PLEKHH2: variants seen among roughly 807,000 people sequenced by gnomAD.
PLEKHH2 encodes the protein pleckstrin homology domain-containing family H member 2.
PLEKHH2 carries 129 observed loss-of-function variants against 187.9 expected under a neutral mutation model. The ratio of observed to expected loss-of-function variants is 0.69; its 90% confidence interval spans 0.59 to 0.79. The LOEUF is 0.79. PLEKHH2 is among the 30% of genes least tolerant of loss of function. The pLI is 0.00. For synonymous variants in PLEKHH2, 686 were observed against 605.6 expected (o/e 1.13, Z -1.95); for missense variants, 2,076 against 1,751.2 (o/e 1.19, Z -3.31).
chr2:43,639,411 GTA>G (rs1255804762), intron 1 of PLEKHH2, among the ~76,000 whole-genome samples: 1 of 152,082 alleles, frequency 6.6e-6, no homozygotes, highest in Non-Finnish European at 1.5e-5. Flanking sequence ...CCTATCCATT[GTA>G]GTCAGTATCT....
rs189087346 is a variant in PLEKHH2, at chr2:43,687,141, C to T, written c.187-5373C>T. The stretch of plus-strand genomic sequence containing the variant: ...CCAATAGTTTTTCAGCCCATGTCTC[C>T]GTCTCTTGCTCCCTGTCTCATAGTC... On this transcript the variant is annotated intron_variant, in intron 3 of 29. Coordinates refer to ENST00000282406, the MANE Select transcript of PLEKHH2 (RefSeq NM_172069.4). Among the ~76,000 whole-genome samples, 332 of 152,258 alleles carry T rather than the reference C, an allele frequency of 2.2e-3. 2 individuals carry two copies. The highest frequency in any genetic ancestry group is 7.3e-3 in the African/African-American group (302 of 41,540).
chr2:43,697,273 G>C lies in PLEKHH2; in HGVS notation c.605G>C (p.Ser202Thr). ...TFGCFLSRAR[S>T]PPQVVKSEEM... ...GGGTGCTTTTTATCTCGAGCAAGGAGTCCTCCTCAAGTAGTAAAATCTGAG... is the reference window on the plus strand; with the variant it reads ...GGGTGCTTTTTATCTCGAGCAAGGACTCCTCCTCAAGTAGTAAAATCTGAG... Residue 202 changes from serine (S) to threonine (T), a missense_variant, in exon 7 of 30, where the codon AGT (serine) becomes ACT (threonine). Ser to Thr is a moderately conservative substitution (Grantham distance 58). Coordinates refer to ENST00000282406, the MANE Select transcript of PLEKHH2 (RefSeq NM_172069.4). 1.2e-6 allele frequency: 2 copies of C among 1,613,794 alleles called. No homozygotes were observed. Among genetic ancestry groups the C allele is most frequent in the Non-Finnish European group, 1.7e-6 (2 of 1,179,762 alleles).
At chr2:43,649,788 G>C (rs952421879) in intron 2 of PLEKHH2, among the ~76,000 whole-genome samples, 6 of 152,202 alleles carry the variant, frequency 3.9e-5, no homozygotes, top group South Asian at 2.1e-4. Context: ...CATGGGGTCT[G>C]TGGGGGAAAA....
At chr2:43,657,263 C>G (rs1487142377) in intron 2 of PLEKHH2, among the ~76,000 whole-genome samples, 3 of 152,116 alleles carry the variant, frequency 2.0e-5, no homozygotes, top group Non-Finnish European at 4.4e-5. Context: ...TCCTGGCCTC[C>G]CATCTCAGCC....
At chr2:43,655,764 G>T (rs372700453) in intron 2 of PLEKHH2, among the ~76,000 whole-genome samples, 2 of 152,112 alleles carry the variant, frequency 1.3e-5, no homozygotes, top group Admixed American at 6.6e-5. Context: ...GAGATTTTTC[G>T]TCTGGGAGAG....
chr2:43,752,464 C>T (rs145342040), intron 24 of PLEKHH2, among the ~76,000 whole-genome samples: 2 of 152,242 alleles, frequency 1.3e-5, no homozygotes, highest in East Asian at 3.9e-4. Context: ...AGATTCAGAC[C>T]TGCTGCCCTC....
In PLEKHH2 at chr2:43,699,831, A is replaced by C; in HGVS notation, c.873A>C (p.Glu291Asp). ...APVSDWSSDE[E>D]DGSKGRSKSR... ...TGAGTGACTGGAGCTCTGATGAGGA[A>C]GACGGGAGCAAAGGAAGATCCAAGT... Residue 291 changes from glutamate (E) to aspartate (D), a missense_variant, in exon 8 of 30, where the codon GAA (glutamate) becomes GAC (aspartate). Transcript: ENST00000282406. The C allele has an allele frequency of 1.2e-6, 2 of 1,611,922 alleles. No individual in the cohort carries two copies. Among genetic ancestry groups the C allele is most frequent in the Non-Finnish European group, 1.7e-6 (2 of 1,178,010 alleles).
rs777333922 is a variant in PLEKHH2, at chr2:43,767,270, C to T, written c.*1672C>T. On this transcript the variant is annotated 3_prime_UTR_variant, in exon 30 of 30. Transcript: ENST00000282406. ...AGCCTTCATATTTTCTTCTTTGCTGCCTTCTCCCTGTGGCAATGTACTGTT... is the reference window on the plus strand; with the variant it reads ...AGCCTTCATATTTTCTTCTTTGCTGTCTTCTCCCTGTGGCAATGTACTGTT... The T allele has an allele frequency of 6.6e-6, 1 of 152,140 alleles. No homozygotes were observed. The allele number at this position is 152,140 out of a possible 1,614,324, so 9.4% of individuals were successfully genotyped here.
intron 16 of PLEKHH2, among the ~76,000 whole-genome samples, chr2:43,721,001 C>G (rs1463817048): frequency 2.6e-5 from 4 of 152,170 alleles, no homozygotes; most frequent in Non-Finnish European, 5.9e-5. Context: ...CAGTCTTCTT[C>G]TATTCCCTCC....
intron 2 of PLEKHH2, among the ~76,000 whole-genome samples, chr2:43,653,239 C>G (rs1349792696): frequency 6.6e-6 from 1 of 151,964 alleles, no homozygotes; most frequent in Admixed American, 6.6e-5. Context: ...CAAGTTACAT[C>G]ATAATGAACG....
At position 43,726,397 on chromosome 2, in the gene PLEKHH2, C is replaced by T; in HGVS notation, c.2667C>T (p.Ile889=). The T allele has an allele frequency of 6.2e-7, 1 of 1,611,730 alleles. No individual in the cohort carries two copies. The highest frequency in any genetic ancestry group is 8.5e-7 in the Non-Finnish European group (1 of 1,177,916). Residue 889 remains isoleucine, a synonymous_variant, in exon 17 of 30, where the codon ATC becomes ATT. Transcript: ENST00000282406. ...TATCCACACATTATACTATCGTTATCCATCCCAAAGACCAAGGTCCAACTT... is the reference window on the plus strand; with the variant it reads ...TATCCACACATTATACTATCGTTATTCATCCCAAAGACCAAGGTCCAACTT... ...SLLSTHYTIV[I]HPKDQGPTYL... is the part of the protein sequence containing the mutation.
At chr2:43,677,843 C>T (rs1350923606) in intron 2 of PLEKHH2, among the ~76,000 whole-genome samples, 1 of 147,836 alleles carries the variant, frequency 6.8e-6, no homozygotes, top group Non-Finnish European at 1.5e-5. Flanking sequence ...CCCCCCCCAC[C>T]TCCCTCCCGG....
chr2:43,691,106 A>T (rs371632990), intron 3 of PLEKHH2, among the ~76,000 whole-genome samples: 1 of 152,196 alleles, frequency 6.6e-6, no homozygotes, highest in African/African-American at 2.4e-5. Context: ...CCACACACTC[A>T]GTCTCTTTTA....
intron 1 of PLEKHH2, among the ~76,000 whole-genome samples, chr2:43,639,758 G>C (rs946794626): frequency 1.4e-5 from 2 of 146,212 alleles, no homozygotes; most frequent in African/African-American, 2.6e-5. Context: ...CTGGGTTAAA[G>C]CAATTCTCCT....
chr2:43,683,347 CG>C (rs1668330408), intron 3 of PLEKHH2, among the ~76,000 whole-genome samples: 1 of 151,854 alleles, frequency 6.6e-6, no homozygotes, highest in African/African-American at 2.4e-5. Context: ...CTATGTTGGT[CG>C]GGCTGGTCTC....
intron 2 of PLEKHH2, among the ~76,000 whole-genome samples, chr2:43,678,038 C>T (rs35735089): frequency 0.45 from 66,682 of 148,440 alleles, 15,400 homozygotes; most frequent in Non-Finnish European, 0.51. Context: ...TCAGACGAGG[C>T]GGCCTGGCAG....
At chr2:43,688,470 A>G (rs551328050) in intron 3 of PLEKHH2, among the ~76,000 whole-genome samples, 1 of 152,330 alleles carries the variant, frequency 6.6e-6, no homozygotes, top group Admixed American at 6.5e-5. Flanking sequence ...ATACAGTCAC[A>G]TCTTGATTAT....
intron 19 of PLEKHH2, among the ~76,000 whole-genome samples, chr2:43,738,025 G>C (rs76879224): frequency 0.016 from 2,447 of 152,272 alleles, 70 homozygotes; most frequent in African/African-American, 0.056. Flanking sequence ...AAATATGCTG[G>C]ATGAGATTCA....
intron 1 of PLEKHH2, among the ~76,000 whole-genome samples, chr2:43,638,123 A>C (rs1319551603): frequency 6.6e-6 from 1 of 152,076 alleles, no homozygotes; most frequent in Admixed American, 6.5e-5. Flanking sequence ...TGTAGTGAGG[A>C]GCTCGGCTGT....
Sources: allele counts gnomAD v4.1 joint callset (sites outside exome capture counted in the v4.1 genomes callset), GRCh38; gene constraint gnomAD v4.1.1; transcripts MANE v1.5; gene names NCBI Gene and HGNC (gene_info 2026-07-23, HGNC 2026-07-21).